Variants in WDFY1 observed in about 807,000 individuals in gnomAD.
The protein encoded by WDFY1 is WD repeat and FYVE domain containing 1, also known as WD repeat and FYVE domain-containing protein 1.
A neutral mutation model predicts 56.4 loss-of-function variants in WDFY1; 32 were observed. The observed-to-expected ratio is 0.57, with a 90% CI of 0.43 to 0.76. WDFY1 has a LOEUF of 0.76. Among genes scored for constraint, WDFY1 ranks in the 30% least tolerant of loss-of-function variants. WDFY1 has a pLI of 0.00. For missense variants in WDFY1, 480 were observed against 545.7 expected, an observed-to-expected ratio of 0.88 and a Z score of 1.20; for synonymous variants, 192 against 197.3, an observed-to-expected ratio of 0.97 and a Z score of 0.23.
intron 8 of WDFY1, among the ~76,000 whole-genome samples, 175 bp downstream of exon 8, chr2:223,894,059 G>A (rs540800641): frequency 4.6e-5 from 7 of 152,232 alleles, no homozygotes; most frequent in African/African-American, 1.7e-4. Context: ...ATGAGCAGAG[G>A]AAGCAATGCA....
At chr2:223,915,269 G>C (rs1693768734) in intron 2 of WDFY1, among the ~76,000 whole-genome samples, 1 of 152,232 alleles carries the variant, frequency 6.6e-6, no homozygotes. Context: ...CCACTGCGAA[G>C]CTGTGTCTGT....
chr2:223,893,150 T>C (rs1396019115), intron 8 of WDFY1, among the ~76,000 whole-genome samples: 1 of 152,114 alleles, frequency 6.6e-6, no homozygotes, highest in Non-Finnish European at 1.5e-5. Flanking sequence ...TTCCAGAAAT[T>C]TGTCTGAAAT....
chr2:223,944,846 T>C (rs1230027237), intron 1 of WDFY1, among the ~76,000 whole-genome samples: 2 of 141,416 alleles, frequency 1.4e-5, no homozygotes, highest in African/African-American at 5.4e-5. Context: ...GGAACAAGGG[T>C]CCCGGGCTTG....
chr2:223,882,730 T>TTA (rs1018543724), intron 9 of WDFY1, among the ~76,000 whole-genome samples: 36 of 2,524 alleles, frequency 0.014, no homozygotes, highest in Admixed American at 0.13. Flanking sequence ...ATTATTATTA[T>TTA]TTTTTTTTTC....
intron 2 of WDFY1, among the ~76,000 whole-genome samples, chr2:223,916,050 A>C (rs1425804088): frequency 3.3e-5 from 5 of 152,212 alleles, no homozygotes; most frequent in Non-Finnish European, 7.3e-5. Context: ...AAGTCTTCAA[A>C]TGTCTTATGT....
chr2:223,902,701 T>A (rs2106083198), intron 4 of WDFY1, among the ~76,000 whole-genome samples: 1 of 151,936 alleles, frequency 6.6e-6, no homozygotes, highest in Non-Finnish European at 1.5e-5. Flanking sequence ...CATAAATACT[T>A]ACAGGGTGTG....
chr2:223,940,295 T>C (rs1274393089), intron 1 of WDFY1, among the ~76,000 whole-genome samples: 1 of 152,018 alleles, frequency 6.6e-6, no homozygotes, highest in Non-Finnish European at 1.5e-5. Context: ...ATGCATGCAG[T>C]AAATAAAGAT....
intron 3 of WDFY1, among the ~76,000 whole-genome samples, chr2:223,906,955 C>CTTATTATT (rs1559168685): frequency 2.8e-3 from 183 of 65,816 alleles, no homozygotes; most frequent in Admixed American, 9.3e-3. Flanking sequence ...TTACTACTAC[C>CTTATTATT]ATTATTATTA....
chr2:223,940,840 G>A (rs150561341), intron 1 of WDFY1, among the ~76,000 whole-genome samples: 1,616 of 151,322 alleles, frequency 0.011, 41 homozygotes, highest in African/African-American at 0.037. Flanking sequence ...TTTGTTTTTT[G>A]AGACAGAGTT....
rs768662386 is a variant in WDFY1, at chr2:223,895,584, G to A, written c.645C>T (p.Phe215=). 8 of 1,613,896 alleles carry A rather than the reference G, an allele frequency of 5.0e-6. No individual in the cohort carries two copies. Among genetic ancestry groups the A allele is most frequent in the Non-Finnish European group, 6.8e-6 (8 of 1,179,976 alleles). Residue 215 remains phenylalanine (F), a synonymous_variant, in exon 7 of 12, where the codon TTC becomes TTT. Transcript: ENST00000233055. ...LWWDPIQRLL[F]SGASDNSIIM... The stretch of plus-strand genomic sequence containing the variant: ...TGATGCTGTTGTCAGATGCTCCTGA[G>A]AAGAGTAACCGCTGAATAGGGTCCC...
At chr2:223,886,508 T>C (rs965108719) in intron 8 of WDFY1, among the ~76,000 whole-genome samples, 2 of 152,212 alleles carry the variant, frequency 1.3e-5, no homozygotes, top group East Asian at 1.9e-4. Context: ...GCGGATTACC[T>C]GAGGTCAGGA....
chr2:223,924,175 TA>T (rs1280924680), intron 1 of WDFY1, among the ~76,000 whole-genome samples: 5 of 152,218 alleles, frequency 3.3e-5, no homozygotes, highest in Non-Finnish European at 7.3e-5. Context: ...CAGAGCCTAA[TA>T]AATCTTTTCC....
intron 1 of WDFY1, among the ~76,000 whole-genome samples, chr2:223,930,930 G>A (rs930790032): frequency 6.6e-6 from 1 of 152,218 alleles, no homozygotes; most frequent in East Asian, 1.9e-4. Flanking sequence ...GCCTGGCTGA[G>A]GCCAGAAGCA....
chr2:223,893,253 A>G (rs988110206), intron 8 of WDFY1, among the ~76,000 whole-genome samples: 1 of 151,900 alleles, frequency 6.6e-6, no homozygotes, highest in African/African-American at 2.4e-5. Context: ...ACAGTGCCTC[A>G]TGCCTATAAT....
chr2:223,938,460 T>C (rs528707749), intron 1 of WDFY1, among the ~76,000 whole-genome samples: 1 of 152,330 alleles, frequency 6.6e-6, no homozygotes, highest in African/African-American at 2.4e-5. Context: ...TTATTTTCTG[T>C]TTCCCCTACC....
chr2:223,891,835 A>G (rs942852052), intron 8 of WDFY1, among the ~76,000 whole-genome samples: 1 of 152,194 alleles, frequency 6.6e-6, no homozygotes, highest in Non-Finnish European at 1.5e-5. Context: ...CTCTCTCAGA[A>G]TAAGACTGAA....
At chr2:223,924,052 C>T (rs1693936107) in intron 1 of WDFY1, among the ~76,000 whole-genome samples, 2 of 152,160 alleles carry the variant, frequency 1.3e-5, no homozygotes, top group Non-Finnish European at 2.9e-5. Flanking sequence ...TCCTTAAAAC[C>T]ACAACCTTAG....
At chr2:223,928,489 C>T (rs57871933) in intron 1 of WDFY1, among the ~76,000 whole-genome samples, 3,578 of 152,212 alleles carry the variant, frequency 0.024, 120 homozygotes, top group African/African-American at 0.081. Context: ...GGCAGAACAG[C>T]AGGATACCTG....
rs193204018 is a variant in WDFY1 at position 223,881,655 on chromosome 2, G to A, written c.1064+287C>T. ...AACTACAAAAATTAGCCAGGTGGTGGGGGGCGCCTGTAATCCCAGCTACTC... is the reference window on the plus strand; with the variant it reads ...AACTACAAAAATTAGCCAGGTGGTGAGGGGCGCCTGTAATCCCAGCTACTC... On this transcript the variant is annotated intron_variant, in intron 10 of 11. Transcript: ENST00000233055. Among the ~76,000 whole-genome samples, 219 of 152,156 alleles carry A rather than the reference G, an allele frequency of 1.4e-3. 2 individuals are homozygous for A. The highest frequency in any genetic ancestry group is 6.8e-3 in the Middle Eastern group (2 of 294).
Sources: allele counts gnomAD v4.1 joint callset (sites outside exome capture counted in the v4.1 genomes callset), GRCh38; gene constraint gnomAD v4.1.1; transcripts MANE v1.5; gene names NCBI Gene and HGNC (gene_info 2026-07-23, HGNC 2026-07-21).